Variants in GRIN2A observed in about 807,000 individuals in gnomAD.
GRIN2A encodes the protein glutamate receptor ionotropic, NMDA 2A.
In GRIN2A, 22 loss-of-function variants were observed where a neutral mutation model predicts 113.4. The ratio of observed to expected loss-of-function variants is 0.19; its 90% CI spans 0.14 to 0.28. The LOEUF (loss-of-function observed/expected upper bound fraction) is 0.28, where lower values mean the gene tolerates loss of function less well. Ranked by LOEUF, GRIN2A falls within the 10% of genes least tolerant of loss-of-function variation. The probability of loss-of-function intolerance (pLI) is 1.00; values close to 1 mark genes in which losing one functional copy is unlikely to be tolerated. For missense variants in GRIN2A, 1,502 were observed against 1,887.0 expected, an observed-to-expected ratio of 0.80 and a Z score of 3.78; for synonymous variants, 827 against 738.4, an observed-to-expected ratio of 1.12 and a Z score of -1.94.
intron 2 of GRIN2A, among the ~76,000 whole-genome samples, chr16:9,967,247 G>A (rs928639742): frequency 2.0e-5 from 3 of 152,152 alleles, no homozygotes; most frequent in Non-Finnish European, 2.9e-5. Flanking sequence ...TATACACCAC[G>A]GAATACTATT....
At chr16:10,175,789 A>C (rs2142372753) in intron 2 of GRIN2A, among the ~76,000 whole-genome samples, 1 of 152,190 alleles carries the variant, frequency 6.6e-6, no homozygotes, top group Middle Eastern at 3.4e-3. Context: ...AGCAATTAGG[A>C]ATATGGGGAG....
chr16:9,972,709 G>C (rs945021877), intron 2 of GRIN2A, among the ~76,000 whole-genome samples: 1 of 152,236 alleles, frequency 6.6e-6, no homozygotes, highest in Non-Finnish European at 1.5e-5. Context: ...GACTTAAGCA[G>C]AGGGGCTTTT....
chr16:10,160,841 C>T (rs2049795592), intron 2 of GRIN2A, among the ~76,000 whole-genome samples: 1 of 152,186 alleles, frequency 6.6e-6, no homozygotes, highest in Non-Finnish European at 1.5e-5. Flanking sequence ...TTCTCCCCTC[C>T]AGGCACAAAA....
At chr16:9,934,130 C>G (rs998410050) in intron 3 of GRIN2A, among the ~76,000 whole-genome samples, 1 of 152,102 alleles carries the variant, frequency 6.6e-6, no homozygotes, top group South Asian at 2.1e-4. Flanking sequence ...AAACATTAAC[C>G]TTTGGCAGGT....
At chr16:10,005,769 A>G (rs2046395148) in intron 2 of GRIN2A, among the ~76,000 whole-genome samples, 1 of 152,204 alleles carries the variant, frequency 6.6e-6, no homozygotes, top group Admixed American at 6.5e-5. Context: ...AAATTCCATT[A>G]TAAATTCTAT....
chr16:9,848,019 G>T (rs4238636), intron 5 of GRIN2A, among the ~76,000 whole-genome samples: 146,202 of 146,210 alleles, frequency 1, 73,097 homozygotes, highest in Middle Eastern at 1. Flanking sequence ...GTTTCTATAT[G>T]TTAATATATG....
chr16:10,041,730 G>C (rs1163339881), intron 2 of GRIN2A, among the ~76,000 whole-genome samples: 1 of 152,126 alleles, frequency 6.6e-6, no homozygotes, highest in Non-Finnish European at 1.5e-5. Flanking sequence ...TGATAACTTT[G>C]GTATGACCAT....
At chr16:10,077,443 C>A (rs1467787284) in intron 2 of GRIN2A, among the ~76,000 whole-genome samples, 1 of 152,186 alleles carries the variant, frequency 6.6e-6, no homozygotes, top group African/African-American at 2.4e-5. Flanking sequence ...CATCAGTAAA[C>A]CCAGTACATC....
At chr16:9,972,915 G>C (rs185644223) in intron 2 of GRIN2A, among the ~76,000 whole-genome samples, 2 of 152,290 alleles carry the variant, frequency 1.3e-5, no homozygotes, top group African/African-American at 4.8e-5. Context: ...AAGAATACAG[G>C]GATCAGAGTT....
At chr16:10,018,063 C>G (rs1049383895) in intron 2 of GRIN2A, among the ~76,000 whole-genome samples, 1 of 152,158 alleles carries the variant, frequency 6.6e-6, no homozygotes, top group African/African-American at 2.4e-5. Flanking sequence ...TGTCCTGGCC[C>G]TGATACGTGG....
At chr16:9,782,813 A>G (rs28374966) in intron 11 of GRIN2A, among the ~76,000 whole-genome samples, 1,983 of 152,304 alleles carry the variant, frequency 0.013, 42 homozygotes, top group African/African-American at 0.046. Flanking sequence ...CAGGATATTT[A>G]TGGATATTAT....
intron 2 of GRIN2A, among the ~76,000 whole-genome samples, chr16:10,019,383 G>C (rs1303916358): frequency 6.6e-6 from 1 of 152,154 alleles, no homozygotes; most frequent in Non-Finnish European, 1.5e-5. Context: ...TCACAGTCTG[G>C]CATACAGCAG....
At chr16:10,047,192 T>A (rs1008595439) in intron 2 of GRIN2A, among the ~76,000 whole-genome samples, 2 of 152,212 alleles carry the variant, frequency 1.3e-5, no homozygotes, top group African/African-American at 4.8e-5. Context: ...CTCAAGTAAT[T>A]TATATCCTTC....
chr16:10,126,160 TA>T (rs1185253704), intron 2 of GRIN2A, among the ~76,000 whole-genome samples: 28 of 83,282 alleles, frequency 3.4e-4, no homozygotes, highest in Non-Finnish European at 5.2e-4. Flanking sequence ...GATTTCTTTA[TA>T]TATATATATA....
intron 2 of GRIN2A, among the ~76,000 whole-genome samples, chr16:10,025,620 A>G (rs1237921205): frequency 1.3e-5 from 2 of 152,224 alleles, no homozygotes; most frequent in Non-Finnish European, 1.5e-5. Context: ...CCTTTGAGAT[A>G]TATTTAAGCA....
intron 11 of GRIN2A, among the ~76,000 whole-genome samples, chr16:9,786,346 G>A (rs1307506308): frequency 6.6e-6 from 1 of 152,130 alleles, no homozygotes. Flanking sequence ...TCCCCAAACT[G>A]GCAGGGTTGA....
At chr16:9,910,033 C>T (rs552314595) in intron 3 of GRIN2A, among the ~76,000 whole-genome samples, 3 of 152,178 alleles carry the variant, frequency 2.0e-5, no homozygotes, top group Non-Finnish European at 4.4e-5. Flanking sequence ...TGTTGGAAAA[C>T]ATATTTCATT....
intron 2 of GRIN2A, among the ~76,000 whole-genome samples, chr16:10,157,990 A>G (rs1231970868): frequency 6.6e-6 from 1 of 151,790 alleles, no homozygotes; most frequent in East Asian, 1.9e-4. Flanking sequence ...TTTAAACTAT[A>G]TTTATTTTTA....
chr16:10,168,183 T>G (rs2142348073), intron 2 of GRIN2A, among the ~76,000 whole-genome samples: 1 of 152,348 alleles, frequency 6.6e-6, no homozygotes, highest in South Asian at 2.1e-4. Context: ...TGAGGCCGGC[T>G]GACCTACTTA....
Sources: gnomAD v4.1 joint callset for allele counts (sites outside exome capture counted in the v4.1 genomes callset) on GRCh38, gnomAD v4.1.1 for gene constraint, MANE v1.5 for transcripts, NCBI Gene and HGNC (gene_info 2026-07-23, HGNC 2026-07-21) for gene names.